CNTN5: variants seen among roughly 807,000 people sequenced by gnomAD.
The protein encoded by CNTN5 is contactin 5.
A neutral mutation model predicts 129.1 loss-of-function variants in CNTN5; 77 were observed. The ratio of observed to expected loss-of-function variants is 0.60; its 90% CI spans 0.50 to 0.72. The LOEUF is 0.72. Among genes scored for constraint, CNTN5 ranks in the 30% least tolerant of loss-of-function variants. The probability of loss-of-function intolerance (pLI) is 0.00; values close to 1 mark genes in which losing one functional copy is unlikely to be tolerated. For synonymous variants in CNTN5, 509 were observed against 465.6 expected, an observed-to-expected ratio of 1.09 and a Z score of -1.20; for missense variants, 1,478 against 1,328.8, an observed-to-expected ratio of 1.11 and a Z score of -1.75.
rs117841552 is a variant in CNTN5, at chr11:99,279,531, G to C, written c.-209-45815G>C. Among the ~76,000 whole-genome samples, 317 of 151,868 alleles carry C rather than the reference G, an allele frequency of 2.1e-3. 10 individuals carry two copies. The East Asian group carries it at 0.043, about 21-fold the overall frequency. ...TTTCCAAAAGTGAGTTAATGAACCAGTTTAAAGGGACATGCTTGACATTTG... is the reference window on the plus strand; with the variant it reads ...TTTCCAAAAGTGAGTTAATGAACCACTTTAAAGGGACATGCTTGACATTTG... On this transcript the variant is annotated intron_variant, in intron 1 of 24. Coordinates refer to ENST00000524871, the MANE Select transcript of CNTN5 (RefSeq NM_014361.4).
chr11:100,177,738 T>C (rs145903387), intron 13 of CNTN5, among the ~76,000 whole-genome samples: 18 of 152,280 alleles, frequency 1.2e-4, no homozygotes, highest in African/African-American at 4.3e-4. Context: ...GACATATACG[T>C]AGAGTTTAAA....
At chr11:99,764,584 T>C (rs2845953) in intron 3 of CNTN5, among the ~76,000 whole-genome samples, 79,949 of 151,652 alleles carry the variant, frequency 0.53, 21,595 homozygotes, top group East Asian at 0.71. Flanking sequence ...ACCTGGCTAA[T>C]TTTGCATTTT....
At chr11:99,999,923 T>C (rs1378791313) in intron 8 of CNTN5, among the ~76,000 whole-genome samples, 102 of 150,790 alleles carry the variant, frequency 6.8e-4, no homozygotes, top group Non-Finnish European at 1.2e-3. Flanking sequence ...AACCAAACAC[T>C]GCATGTTCTC....
At chr11:100,226,208 C>T (rs1949372922) in intron 16 of CNTN5, among the ~76,000 whole-genome samples, 1 of 152,106 alleles carries the variant, frequency 6.6e-6, no homozygotes, top group Non-Finnish European at 1.5e-5. Context: ...CATGGAACTG[C>T]AAACCCTACA....
At chr11:99,743,317 C>T (rs1338793038) in intron 3 of CNTN5, among the ~76,000 whole-genome samples, 1 of 152,126 alleles carries the variant, frequency 6.6e-6, no homozygotes, top group Non-Finnish European at 1.5e-5. Flanking sequence ...ATTTATCCTA[C>T]TATCACAAAT....
intron 2 of CNTN5, among the ~76,000 whole-genome samples, chr11:99,475,509 C>T (rs1945336782): frequency 1.3e-5 from 2 of 152,048 alleles, no homozygotes; most frequent in South Asian, 2.1e-4. Flanking sequence ...TACTTGTTAT[C>T]TCTGTTATAT....
At chr11:99,318,421 T>A (rs980482478) in intron 1 of CNTN5, among the ~76,000 whole-genome samples, 1 of 152,150 alleles carries the variant, frequency 6.6e-6, no homozygotes, top group African/African-American at 2.4e-5. Flanking sequence ...TGTCAGAATA[T>A]TTTTCTTTCA....
rs534651509 is a variant in CNTN5, at chr11:99,206,334, C to T, written c.-209-119012C>T. Among the ~76,000 whole-genome samples the T allele has an allele frequency of 1.5e-4, 23 of 152,064 alleles. 1 individual carries two copies. The South Asian group carries it at 4.8e-3, about 32-fold the overall frequency. ...CCCTAAGGATAGGCTGTGAGGCAAC[C>T]CCCACAACTTGAGAATTAGGATGAT... is the stretch of plus-strand genomic sequence containing the variant. On this transcript the variant is annotated intron_variant, in intron 1 of 24. Coordinates refer to ENST00000524871, the MANE Select transcript of CNTN5 (RefSeq NM_014361.4).
chr11:99,397,865 C>A (rs1466748415), intron 2 of CNTN5, among the ~76,000 whole-genome samples: 1 of 151,804 alleles, frequency 6.6e-6, no homozygotes, highest in African/African-American at 2.4e-5. Flanking sequence ...TTGCTCATTT[C>A]TAAGGAATAT....
chr11:99,480,037 T>C (rs991983555), intron 2 of CNTN5, among the ~76,000 whole-genome samples: 3 of 152,112 alleles, frequency 2.0e-5, no homozygotes, highest in Non-Finnish European at 4.4e-5. Context: ...ATACAAAATA[T>C]AGATAACAGA....
At chr11:100,015,746 T>A (rs1940789004) in intron 9 of CNTN5, among the ~76,000 whole-genome samples, 1 of 152,144 alleles carries the variant, frequency 6.6e-6, no homozygotes, top group South Asian at 2.1e-4. Context: ...TTTTTTAGTA[T>A]TAGTTTCATG....
chr11:99,540,566 A>G (rs1948066511), intron 2 of CNTN5, among the ~76,000 whole-genome samples: 1 of 152,192 alleles, frequency 6.6e-6, no homozygotes. Flanking sequence ...AGATTAATGC[A>G]GAGGTCAAGA....
intron 13 of CNTN5, among the ~76,000 whole-genome samples, chr11:100,137,242 T>C (rs188466847): frequency 6.6e-5 from 10 of 152,236 alleles, no homozygotes; most frequent in African/African-American, 2.4e-4. Flanking sequence ...TCAATTTTAA[T>C]ATTCAGGCTG....
chr11:99,898,133 A>G (rs1051580606), intron 6 of CNTN5, among the ~76,000 whole-genome samples: 2 of 152,108 alleles, frequency 1.3e-5, no homozygotes, highest in African/African-American at 4.8e-5. Flanking sequence ...AAAAATCTTC[A>G]GCTGGAAATG....
intron 4 of CNTN5, among the ~76,000 whole-genome samples, chr11:99,821,288 A>G (rs1282478835): frequency 6.6e-6 from 1 of 152,178 alleles, no homozygotes; most frequent in Non-Finnish European, 1.5e-5. Flanking sequence ...ATTCAAATCC[A>G]TGAAAATGAT....
At chr11:100,015,198 C>T (rs770593) in intron 9 of CNTN5, among the ~76,000 whole-genome samples, 75,295 of 151,954 alleles carry the variant, frequency 0.5, 18,920 homozygotes, top group East Asian at 0.73. Flanking sequence ...TGAGACTAAA[C>T]ATGTCTAGGC....
intron 9 of CNTN5, among the ~76,000 whole-genome samples, chr11:100,057,197 T>C (rs1295577099): frequency 6.8e-6 from 1 of 148,118 alleles, no homozygotes; most frequent in Non-Finnish European, 1.5e-5. Flanking sequence ...ATATATAAAG[T>C]ATAAATATAT....
At chr11:99,252,089 C>T (rs921354982) in intron 1 of CNTN5, among the ~76,000 whole-genome samples, 1 of 151,802 alleles carries the variant, frequency 6.6e-6, no homozygotes, top group African/African-American at 2.4e-5. Flanking sequence ...CTTGATTCTC[C>T]CTCCTGATTT....
In CNTN5 at chr11:99,844,991, T is replaced by C. The variant is rs1223394635; in HGVS notation, c.401+16T>C. On this transcript the variant is annotated intron_variant, in intron 5 of 24. Coordinates refer to ENST00000524871, the MANE Select transcript of CNTN5 (RefSeq NM_014361.4). ...CCAGTTACAGGTAGGAATTCACTGT[T>C]AATCATTTTTCTTAAGCCTTAAAAA... is the stretch of plus-strand genomic sequence containing the variant. 1.2e-6 allele frequency: 2 copies of C among 1,612,352 alleles called. No individual in the cohort carries two copies. The highest frequency in any genetic ancestry group is 1.3e-5 in the African/African-American group (1 of 74,848).
Sources: gnomAD v4.1 joint callset for allele counts (sites outside exome capture counted in the v4.1 genomes callset) on GRCh38, gnomAD v4.1.1 for gene constraint, MANE v1.5 for transcripts, NCBI Gene and HGNC (gene_info 2026-07-23, HGNC 2026-07-21) for gene names.